Variants in VSIG8 observed in about 807,000 individuals in gnomAD.
VSIG8 encodes V-set and immunoglobulin domain containing 8.
Under a neutral mutation model 42.6 loss-of-function variants are expected in VSIG8, and 32 were observed. The ratio of observed to expected loss-of-function variants is 0.75; its 90% confidence interval spans 0.57 to 1.01. VSIG8 has a LOEUF of 1.01. VSIG8 is among the 50% of genes least tolerant of loss of function. The pLI is 0.00. For missense variants in VSIG8, 529 were observed against 558.0 expected (o/e 0.95, Z 0.52); for synonymous variants, 290 against 243.8 (o/e 1.19, Z -1.77).
At position 159,854,366 on chromosome 1, in the gene VSIG8, G is replaced by T. The variant is rs1648718516; in HGVS notation, c.*387C>A. 4.7e-6 allele frequency: 1 copy of T among 213,660 alleles called. No individual in the cohort carries two copies. The highest frequency in any genetic ancestry group is 9.2e-6 in the Non-Finnish European group (1 of 108,320). 13.2% of individuals were successfully genotyped at this position (213,660 alleles called of 1,614,324 possible). ...GCTAACACTGCTGCCTCAGAGCTCAGACCTCACACACAGAACAATTCGTCC... is the reference window on the plus strand; with the variant it reads ...GCTAACACTGCTGCCTCAGAGCTCATACCTCACACACAGAACAATTCGTCC... On this transcript the variant is annotated 3_prime_UTR_variant, in exon 7 of 7. Transcript: ENST00000368100.
chr1:159,857,732 A>G lies in VSIG8; in HGVS notation c.652+13T>C, dbSNP rs1648892689. 1.2e-6 allele frequency: 2 copies of G among 1,612,178 alleles called. No homozygotes were observed. Among genetic ancestry groups the G allele is most frequent in the South Asian group, 2.2e-5 (2 of 90,988 alleles). On this transcript the variant is annotated intron_variant, in intron 4 of 6. Transcript: ENST00000368100. ...CACTCACCCCCGACTGCCCTCATCC[A>G]GGGCCCTCTCACCTTGGTTTATGGA...
intron 5 of VSIG8, 177 bp from the exon 6 acceptor site, chr1:159,856,258 C>T (rs2494500): frequency 0.98 from 732,892 of 745,652 alleles, 360,260 homozygotes; most frequent in East Asian, 1. Flanking sequence ...GTTAACCCCT[C>T]GTGTCAGCAT....
At chr1:159,855,575 G>A (rs867738329) in intron 6 of VSIG8, 5 of 985,266 alleles carry the variant, frequency 5.1e-6, no homozygotes, top group Non-Finnish European at 6.0e-6. Context: ...TCTTACCGGC[G>A]CAGTACAGGG....
At chr1:159,855,389 ATCTC>A (rs949198868) in intron 6 of VSIG8, 3 of 1,426,652 alleles carry the variant, frequency 2.1e-6, no homozygotes, top group African/African-American at 2.9e-5. Flanking sequence ...TGCTCGAGCA[ATCTC>A]TCTCTTTCTC....
At position 159,855,043 on chromosome 1, in the gene VSIG8, G is replaced by T; in HGVS notation, c.972-17C>A. On this transcript the variant is annotated splice_polypyrimidine_tract_variant and intron_variant, in intron 6 of 6. Coordinates refer to ENST00000368100, the MANE Select transcript of VSIG8 (RefSeq NM_001013661.1). ...GCGTCCTCTCTGTGGAAAACAACAG[G>T]CGGGCGGGTGAGCGGGCTGCTCCGC... 1 of 1,573,518 alleles carries T rather than the reference G, an allele frequency of 6.4e-7. No homozygotes were observed. Among genetic ancestry groups the T allele is most frequent in the South Asian group, 1.2e-5 (1 of 86,004 alleles).
At chr1:159,856,204 CTT>C (rs1648818645) in intron 5 of VSIG8, 123 bp from the exon 6 acceptor site, 1 of 1,013,832 alleles carries the variant, frequency 9.9e-7, no homozygotes, top group South Asian at 1.6e-5. Context: ...CAGGGGGTCT[CTT>C]AGCCCTGGAA....
Position 159,855,802 on chromosome 1 carries a change from G to GGCCCT in VSIG8, c.971+80_971+81insAGGGC. On this transcript the variant is annotated intron_variant, in intron 6 of 6. Coordinates refer to ENST00000368100, the MANE Select transcript of VSIG8 (RefSeq NM_001013661.1). ...CAGGGTTGGGGTGGGGGGCCCAGCC[G>GGCCCT]GCCGGTGGCAGGCAGGAGTGAGGTG... The GGCCCT allele has an allele frequency of 2.1e-6, 3 of 1,454,372 alleles. No individual in the cohort carries two copies. In the South Asian group the frequency reaches 4.4e-5, roughly 21 times the overall value. The allele number at this position is 1,454,372 out of a possible 1,614,324, so 90.1% of individuals were successfully genotyped here.
Position 159,858,708 on chromosome 1 carries a change from A to G in VSIG8, c.228+26T>C, listed in dbSNP as rs545190286. ...GGTAGACATCATGAAGCCTAGAGGAAGGAGACCCCTGTGCCCAGCACTCAC... is the reference window on the plus strand; with the variant it reads ...GGTAGACATCATGAAGCCTAGAGGAGGGAGACCCCTGTGCCCAGCACTCAC... On this transcript the variant is annotated intron_variant, in intron 2 of 6. Transcript: ENST00000368100. 7 of 1,583,052 alleles carry G rather than the reference A, an allele frequency of 4.4e-6. No homozygotes were observed. In the South Asian group the frequency reaches 4.5e-5, roughly 10 times the overall value.
chr1:159,859,318 G>A (rs1648951624), intron 1 of VSIG8, among the ~76,000 whole-genome samples: 1 of 152,164 alleles, frequency 6.6e-6, no homozygotes, highest in African/African-American at 2.4e-5. Context: ...TGTGTGTGAA[G>A]GCATGTGGTA....
intron 1 of VSIG8, among the ~76,000 whole-genome samples, chr1:159,859,589 T>A (rs1648959612): frequency 6.6e-6 from 1 of 152,154 alleles, no homozygotes; most frequent in South Asian, 2.1e-4. Flanking sequence ...ATGTAAGTGC[T>A]TAAAAGTGAC....
At chr1:159,855,077 G>C (rs1381398315) in intron 6 of VSIG8, 51 bp from the exon 7 acceptor site, 6 of 1,560,166 alleles carry the variant, frequency 3.8e-6, no homozygotes, top group African/African-American at 1.4e-5. Flanking sequence ...GCAGCGGGGC[G>C]TGGGCACGGC....
intron 6 of VSIG8, chr1:159,855,290 C>T: frequency 6.5e-7 from 1 of 1,543,900 alleles, no homozygotes; most frequent in South Asian, 1.2e-5. Flanking sequence ...AGGCAGCCCC[C>T]TCCAGGCCCC....
intron 5 of VSIG8, 94 bp from the exon 6 acceptor site, chr1:159,856,175 G>C: frequency 7.6e-7 from 1 of 1,309,044 alleles, no homozygotes; most frequent in Non-Finnish European, 1.1e-6. Context: ...GGGGTTAATG[G>C]GAAAGAGGGA....
Position 159,854,933 on chromosome 1 carries a change from G to T in VSIG8, c.1065C>A (p.Ser355=). ...LGYPTQNVSR[S]LRRKYAPPPC... The stretch of plus-strand genomic sequence containing the variant: ...GGGGAGGCGCGTACTTGCGGCGCAG[G>T]GAGCGGCTGACGTTCTGCGTCGGGT... Residue 355 remains serine (S), a synonymous_variant, in exon 7 of 7, where the codon TCC becomes TCA. Transcript: ENST00000368100. 1 of 1,513,616 alleles carries T rather than the reference G, an allele frequency of 6.6e-7. No individual in the cohort carries two copies. Among genetic ancestry groups the T allele is most frequent in the East Asian group, 2.7e-5 (1 of 37,580 alleles). 93.8% of individuals were successfully genotyped at this position (1,513,616 alleles called of 1,614,324 possible).
Position 159,854,865 on chromosome 1 carries a change from G to T in VSIG8, c.1133C>A (p.Ala378Asp), listed in dbSNP as rs1571164495. Residue 378 changes from alanine to aspartate, a missense_variant, in exon 7 of 7, where the codon GCC becomes GAC. Ala to Asp is a moderately radical substitution (Grantham distance 126). Transcript: ENST00000368100. ...GGGGCCCGCTTCGCAGGCGGCGGCG[G>T]CGGTGCAGGGCGCCAGGGCCACGTC... Reference protein sequence around the residue: ...PEDVALAPCTAAAACEAGPSP... With the variant: ...PEDVALAPCTDAAACEAGPSP... 1 of 1,466,914 alleles carries T rather than the reference G, an allele frequency of 6.8e-7. No individual in the cohort carries two copies. 90.9% of individuals were successfully genotyped at this position (1,466,914 alleles called of 1,614,324 possible).
chr1:159,858,337 GA>G (rs904549881), intron 2 of VSIG8, 46 bp from the exon 3 acceptor site: 27 of 1,603,034 alleles, frequency 1.7e-5, no homozygotes, highest in Non-Finnish European at 2.1e-5. Context: ...GCAGAGCCAA[GA>G]AGGGCCATGT....
At chr1:159,859,187 C>T (rs781777828) in intron 1 of VSIG8, among the ~76,000 whole-genome samples, 6 of 152,144 alleles carry the variant, frequency 3.9e-5, no homozygotes, top group East Asian at 1.9e-4. Context: ...AATATGTACA[C>T]GTATGTACAT....
Position 159,855,999 on chromosome 1 carries a change from C to A in VSIG8, c.855G>T (p.Gly285=), listed in dbSNP as rs779422034. 2.5e-6 allele frequency: 4 copies of A among 1,608,398 alleles called. No individual in the cohort carries two copies. The highest frequency in any genetic ancestry group is 2.2e-5 in the South Asian group (2 of 90,270). The stretch of plus-strand genomic sequence containing the variant: ...AGCCCCCGCAGCAGCAGCAGACGAG[C>A]CCCCAGATGCCTACGGCCAGGCAGC... The part of the protein sequence containing the change: ...ALGCLAVGIW[G]LVCCCCGGSG... Residue 285 remains glycine (G), a synonymous_variant, in exon 6 of 7, where the codon GGG becomes GGT. Transcript: ENST00000368100.
chr1:159,856,492 A>G lies in VSIG8; in HGVS notation c.772+32T>C, dbSNP rs977936292. 6.2e-6 allele frequency: 10 copies of G among 1,611,108 alleles called. No homozygotes were observed. The African/African-American group carries it at 1.3e-4, about 22-fold the overall frequency. On this transcript the variant is annotated intron_variant, in intron 5 of 6. Coordinates refer to ENST00000368100, the MANE Select transcript of VSIG8 (RefSeq NM_001013661.1). Reference sequence around the variant, plus strand: ...CAGCCTCCTCCAGTTCAACCCTCCCAACCACCCAGCCCTCAAGACTGCTGC... The same window carrying G: ...CAGCCTCCTCCAGTTCAACCCTCCCGACCACCCAGCCCTCAAGACTGCTGC...
Sources: gnomAD v4.1 joint callset for allele counts (sites outside exome capture counted in the v4.1 genomes callset) on GRCh38, gnomAD v4.1.1 for gene constraint, MANE v1.5 for transcripts, NCBI Gene and HGNC (gene_info 2026-07-23, HGNC 2026-07-21) for gene names.